Variants in MMP16 observed in about 807,000 individuals in gnomAD.
MMP16 encodes matrix metallopeptidase 16.
MMP16 carries 12 observed loss-of-function variants against 67.8 expected under a neutral mutation model. The observed-to-expected ratio is 0.18, with a 90% CI of 0.11 to 0.29. The LOEUF is 0.29. Ranked by LOEUF, MMP16 falls within the 10% of genes least tolerant of loss-of-function variation. MMP16 has a pLI of 1.00. For synonymous variants in MMP16, 249 were observed against 255.9 expected, an observed-to-expected ratio of 0.97 and a Z score of 0.26; for missense variants, 475 against 765.7, an observed-to-expected ratio of 0.62 and a Z score of 4.48.
At chr8:88,255,406 C>A (rs1810286287) in intron 1 of MMP16, among the ~76,000 whole-genome samples, 1 of 152,124 alleles carries the variant, frequency 6.6e-6, no homozygotes, top group Non-Finnish European at 1.5e-5. Context: ...ATAAACCTTT[C>A]TTTTTAAGTT....
intron 1 of MMP16, among the ~76,000 whole-genome samples, chr8:88,252,478 C>A (rs904224725): frequency 3.3e-5 from 5 of 151,968 alleles, no homozygotes; most frequent in African/African-American, 1.2e-4. Context: ...CCCTTTTGAA[C>A]TATTTTTCCC....
intron 4 of MMP16, among the ~76,000 whole-genome samples, chr8:88,121,982 A>T (rs1280117002): frequency 6.6e-6 from 1 of 152,026 alleles, no homozygotes; most frequent in East Asian, 1.9e-4. Context: ...TCCTACTAAA[A>T]TATTTGGATA....
intron 4 of MMP16, among the ~76,000 whole-genome samples, chr8:88,153,686 C>G (rs1808452887): frequency 6.7e-6 from 1 of 149,452 alleles, no homozygotes; most frequent in Non-Finnish European, 1.5e-5. Flanking sequence ...AAACTGGATC[C>G]CTTCCTTACA....
At chr8:88,118,139 T>C (rs1809467644) in intron 5 of MMP16, among the ~76,000 whole-genome samples, 1 of 152,090 alleles carries the variant, frequency 6.6e-6, no homozygotes, top group Non-Finnish European at 1.5e-5. Flanking sequence ...TCACCACTTG[T>C]TAATTTCACT....
At chr8:88,145,633 T>C (rs1262708046) in intron 4 of MMP16, among the ~76,000 whole-genome samples, 1 of 151,976 alleles carries the variant, frequency 6.6e-6, no homozygotes. Context: ...TATTCCCTTG[T>C]TGAAAAGCAT....
chr8:88,043,752 A>C (rs1284887455), intron 9 of MMP16, among the ~76,000 whole-genome samples: 4 of 152,212 alleles, frequency 2.6e-5, no homozygotes, highest in African/African-American at 9.6e-5. Context: ...AAGTGAAAAC[A>C]GGTGTATGTA....
chr8:88,319,712 A>G (rs1273455307), intron 1 of MMP16, among the ~76,000 whole-genome samples: 1 of 152,142 alleles, frequency 6.6e-6, no homozygotes, highest in East Asian at 1.9e-4. Context: ...CAAGCAATTT[A>G]GGGACATGAA....
At position 88,138,312 on chromosome 8, in the gene MMP16, C is replaced by T. The variant is rs534642077; in HGVS notation, c.710-19451G>A. On this transcript the variant is annotated intron_variant, in intron 4 of 9. Coordinates refer to ENST00000286614, the MANE Select transcript of MMP16 (RefSeq NM_005941.5). The stretch of plus-strand genomic sequence containing the variant: ...AAGACCCTGTTCTAAGGCTGACTCT[C>T]TAGATGTCCCAACTGTGCTAATGTA... Among the ~76,000 whole-genome samples the T allele has an allele frequency of 2.0e-5, 3 of 152,096 alleles. 1 individual carries two copies. The South Asian group carries it at 6.2e-4, about 32-fold the overall frequency.
intron 1 of MMP16, among the ~76,000 whole-genome samples, chr8:88,295,493 A>G (rs907750940): frequency 6.6e-6 from 1 of 152,234 alleles, no homozygotes; most frequent in African/African-American, 2.4e-5. Flanking sequence ...ACACAGCCCA[A>G]TAAAATCAGT....
intron 1 of MMP16, among the ~76,000 whole-genome samples, chr8:88,199,664 T>A (rs1809310515): frequency 6.6e-6 from 1 of 152,032 alleles, no homozygotes; most frequent in East Asian, 1.9e-4. Context: ...AGTCTTTGCA[T>A]CTTTTTCACT....
chr8:88,203,550 C>G (rs928864074), intron 1 of MMP16, among the ~76,000 whole-genome samples: 1 of 152,112 alleles, frequency 6.6e-6, no homozygotes, highest in African/African-American at 2.4e-5. Flanking sequence ...CACTAGATGT[C>G]CTAAAGGAGG....
At chr8:88,260,149 ACTT>A (rs985250726) in intron 1 of MMP16, among the ~76,000 whole-genome samples, 2 of 152,120 alleles carry the variant, frequency 1.3e-5, no homozygotes, top group African/African-American at 4.8e-5. Flanking sequence ...TAAAAACTAT[ACTT>A]CTTCTTCCAG....
At chr8:88,168,050 A>C (rs1324319643) in intron 3 of MMP16, 77 bp from the exon 4 acceptor site, 1 of 1,086,016 alleles carries the variant, frequency 9.2e-7, no homozygotes, top group Non-Finnish European at 1.3e-6. Context: ...GATTCAGTTA[A>C]GTAAAATATT....
chr8:88,056,984 C>G (rs996275662), intron 7 of MMP16, among the ~76,000 whole-genome samples: 25 of 152,066 alleles, frequency 1.6e-4, no homozygotes, highest in African/African-American at 6.0e-4. Context: ...CTACAGACAG[C>G]ACATATCCTC....
At chr8:88,268,028 A>T (rs1007826508) in intron 1 of MMP16, among the ~76,000 whole-genome samples, 4 of 152,212 alleles carry the variant, frequency 2.6e-5, no homozygotes, top group Admixed American at 1.3e-4. Flanking sequence ...TGGGATCTCC[A>T]GAGAACAACA....
In MMP16 at chr8:88,159,905, G is replaced by C. The variant is rs200259524; in HGVS notation, c.709+7764C>G. On this transcript the variant is annotated intron_variant, in intron 4 of 9. Coordinates refer to ENST00000286614, the MANE Select transcript of MMP16 (RefSeq NM_005941.5). ...TTGAGATAATCATGCGGTTTTCGTC[G>C]TTGGTTCTGTTTATATGCTGGATTA... Among the ~76,000 whole-genome samples, 13 of 151,124 alleles carry C rather than the reference G, an allele frequency of 8.6e-5. No homozygotes were observed. In the South Asian group the frequency reaches 1.7e-3, roughly 20 times the overall value.
chr8:88,266,834 A>G (rs868690259), intron 1 of MMP16, among the ~76,000 whole-genome samples: 4 of 152,310 alleles, frequency 2.6e-5, no homozygotes, highest in African/African-American at 7.2e-5. Flanking sequence ...TTGGATTTCA[A>G]TCATGCTGAA....
intron 4 of MMP16, among the ~76,000 whole-genome samples, chr8:88,146,405 A>G (rs1489559729): frequency 6.6e-6 from 1 of 151,928 alleles, no homozygotes; most frequent in Non-Finnish European, 1.5e-5. Flanking sequence ...ACCTCCCTCA[A>G]AACTAATCAC....
At chr8:88,055,085 A>G (rs1396031005) in intron 8 of MMP16, among the ~76,000 whole-genome samples, 2 of 152,090 alleles carry the variant, frequency 1.3e-5, no homozygotes, top group Admixed American at 6.6e-5. Flanking sequence ...ATATTTTTAA[A>G]TATTTATTTA....
Sources: gnomAD v4.1 joint callset for allele counts (sites outside exome capture counted in the v4.1 genomes callset) on GRCh38, gnomAD v4.1.1 for gene constraint, MANE v1.5 for transcripts, NCBI Gene and HGNC (gene_info 2026-07-23, HGNC 2026-07-21) for gene names.